CDK8: variants seen among roughly 807,000 people sequenced by gnomAD.
The protein encoded by CDK8 is cyclin-dependent kinase 8.
In CDK8, 29 loss-of-function variants were observed where a neutral mutation model predicts 71.5. The ratio of observed to expected loss-of-function variants is 0.41; its 90% CI spans 0.30 to 0.55. The LOEUF is 0.55. Among genes scored for constraint, CDK8 ranks in the 20% least tolerant of loss-of-function variants. CDK8 has a pLI of 0.37. For synonymous variants in CDK8, 161 were observed against 192.1 expected, an observed-to-expected ratio of 0.84 and a Z score of 1.34; for missense variants, 288 against 572.6, an observed-to-expected ratio of 0.50 and a Z score of 5.07.
chr13:26,323,662 A>G (rs983154630), intron 1 of CDK8, among the ~76,000 whole-genome samples: 1 of 152,068 alleles, frequency 6.6e-6, no homozygotes, highest in African/African-American at 2.4e-5. Context: ...GCTTGTGTCC[A>G]TGAAAATATA....
chr13:26,288,241 C>A (rs1363069476), intron 1 of CDK8, among the ~76,000 whole-genome samples: 1 of 152,268 alleles, frequency 6.6e-6, no homozygotes, highest in East Asian at 1.9e-4. Flanking sequence ...GGGTTACAGG[C>A]GTGAGCCACT....
chr13:26,297,399 T>C (rs1287251226), intron 1 of CDK8, among the ~76,000 whole-genome samples: 1 of 152,170 alleles, frequency 6.6e-6, no homozygotes, highest in African/African-American at 2.4e-5. Flanking sequence ...GATTAAAGCA[T>C]GACAGTCACT....
chr13:26,263,580 T>A (rs1051705959), intron 1 of CDK8, among the ~76,000 whole-genome samples: 1 of 151,998 alleles, frequency 6.6e-6, no homozygotes, highest in African/African-American at 2.4e-5. Flanking sequence ...TAGCTGAGAT[T>A]ACAGGCATGT....
chr13:26,267,082 G>A (rs1389385405), intron 1 of CDK8, among the ~76,000 whole-genome samples: 2 of 152,086 alleles, frequency 1.3e-5, no homozygotes, highest in Non-Finnish European at 1.5e-5. Flanking sequence ...ATCTTTCCAT[G>A]TTGGTAAACG....
At chr13:26,304,581 T>G (rs1256270309) in intron 1 of CDK8, among the ~76,000 whole-genome samples, 1 of 152,040 alleles carries the variant, frequency 6.6e-6, no homozygotes, top group African/African-American at 2.4e-5. Flanking sequence ...TTTTCCAAAC[T>G]TCAACTCCAT....
intron 1 of CDK8, among the ~76,000 whole-genome samples, chr13:26,268,256 AACACACACACACACACACACAC>A (rs3027999): frequency 1.2e-3 from 135 of 116,788 alleles, no homozygotes; most frequent in Admixed American, 4.0e-3. Flanking sequence ...CCCCTCCCCC[AACACACACACACACACACACAC>A]ACACACACAC....
intron 1 of CDK8, among the ~76,000 whole-genome samples, chr13:26,289,255 A>G (rs1439127130): frequency 1.3e-5 from 2 of 151,114 alleles, no homozygotes; most frequent in African/African-American, 4.9e-5. Context: ...GAGTTTCACC[A>G]TGTTGGCCAG....
chr13:26,366,468 A>G (rs1482639052), intron 4 of CDK8, among the ~76,000 whole-genome samples: 3 of 152,166 alleles, frequency 2.0e-5, no homozygotes, highest in Non-Finnish European at 4.4e-5. Context: ...TATTGAAAGA[A>G]ATGTTCGTTT....
At chr13:26,388,936 C>T (rs1287606002) in intron 6 of CDK8, among the ~76,000 whole-genome samples, 1 of 152,096 alleles carries the variant, frequency 6.6e-6, no homozygotes, top group Admixed American at 6.5e-5. Flanking sequence ...ATGGGCCTTA[C>T]CCTGAAGAGA....
chr13:26,357,753 A>G (rs545497679), intron 4 of CDK8, among the ~76,000 whole-genome samples: 277 of 152,336 alleles, frequency 1.8e-3, no homozygotes, highest in African/African-American at 6.4e-3. Flanking sequence ...AGACCCAGGA[A>G]AAAGTTTTAG....
chr13:26,343,235 A>C (rs1593276448), intron 2 of CDK8, among the ~76,000 whole-genome samples: 2 of 152,160 alleles, frequency 1.3e-5, no homozygotes, highest in Non-Finnish European at 1.5e-5. Context: ...ACCTAAACAC[A>C]CCAGGCTGTT....
chr13:26,380,328 C>CT (rs1196035656), intron 4 of CDK8, among the ~76,000 whole-genome samples: 1 of 151,958 alleles, frequency 6.6e-6, no homozygotes, highest in Admixed American at 6.6e-5. Context: ...TACAGGCACG[C>CT]ACCACCACGC....
At chr13:26,267,954 AACTCT>A (rs1298752295) in intron 1 of CDK8, among the ~76,000 whole-genome samples, 4 of 152,214 alleles carry the variant, frequency 2.6e-5, no homozygotes, top group Middle Eastern at 3.4e-3. Context: ...TGGTTCTAGA[AACTCT>A]GATCACCATG....
chr13:26,255,460 G>A (rs1044124076), intron 1 of CDK8, among the ~76,000 whole-genome samples: 4 of 152,316 alleles, frequency 2.6e-5, no homozygotes, highest in East Asian at 3.9e-4. Flanking sequence ...GCGGCTGGCA[G>A]TGAACTTTAA....
In CDK8 at chr13:26,321,432, G is replaced by C. The variant is rs760388771; in HGVS notation, c.129-16135G>C. 3.3e-5 allele frequency among the ~76,000 whole-genome samples: 5 copies of C among 151,750 alleles called. No homozygotes were observed. In the East Asian group the frequency reaches 9.6e-4, roughly 29 times the overall value. On this transcript the variant is annotated intron_variant, in intron 1 of 12. Coordinates refer to ENST00000381527, the MANE Select transcript of CDK8 (RefSeq NM_001260.3). ...TAGTGGTTATGGTTTCTTTACACAA[G>C]GTGAAAAGTGTTCTGGAGATGGATG...
chr13:26,399,595 A>AAT (rs1441684103), intron 9 of CDK8, among the ~76,000 whole-genome samples: 4 of 152,264 alleles, frequency 2.6e-5, no homozygotes, highest in Non-Finnish European at 5.9e-5. Flanking sequence ...TTAACTAAAA[A>AAT]ATACTGAATC....
intron 4 of CDK8, among the ~76,000 whole-genome samples, chr13:26,357,821 T>G (rs898444274): frequency 6.6e-6 from 1 of 152,232 alleles, no homozygotes; most frequent in African/African-American, 2.4e-5. Flanking sequence ...GAGGTCAGTC[T>G]TGTTCTATGA....
intron 1 of CDK8, among the ~76,000 whole-genome samples, chr13:26,325,951 A>AG (rs1028446546): frequency 6.6e-6 from 1 of 152,184 alleles, no homozygotes; most frequent in African/African-American, 2.4e-5. Context: ...TTTTAAGGTT[A>AG]GCTGTTGAGT....
intron 1 of CDK8, among the ~76,000 whole-genome samples, chr13:26,321,779 A>C (rs1874787197): frequency 6.6e-6 from 1 of 151,950 alleles, no homozygotes; most frequent in South Asian, 2.1e-4. Context: ...ATGTAGCTTT[A>C]TGTCTGTCTA....
Sources: allele counts gnomAD v4.1 joint callset (sites outside exome capture counted in the v4.1 genomes callset), GRCh38; gene constraint gnomAD v4.1.1; transcripts MANE v1.5; gene names NCBI Gene and HGNC (gene_info 2026-07-23, HGNC 2026-07-21).